LAPTM5: variants seen among roughly 807,000 people sequenced by gnomAD.
LAPTM5 encodes lysosomal-associated transmembrane protein 5.
In LAPTM5, 11 loss-of-function variants were observed where a neutral mutation model predicts 30.1. The ratio of observed to expected loss-of-function variants is 0.37; its 90% CI spans 0.23 to 0.60. The LOEUF (loss-of-function observed/expected upper bound fraction) is 0.60, where lower values mean the gene tolerates loss of function less well. Ranked by LOEUF, LAPTM5 falls within the 20% of genes least tolerant of loss-of-function variation. LAPTM5 has a pLI of 0.71. For synonymous variants in LAPTM5, 151 were observed against 137.9 expected, an observed-to-expected ratio of 1.10 and a Z score of -0.67; for missense variants, 324 against 332.5, an observed-to-expected ratio of 0.97 and a Z score of 0.20.
chr1:30,740,367 T>A (rs947206998), intron 3 of LAPTM5, among the ~76,000 whole-genome samples: 28 of 151,572 alleles, frequency 1.8e-4, no homozygotes, highest in Admixed American at 8.5e-4. Context: ...AAGACCAACA[T>A]GAGTGAAGGC....
At chr1:30,741,518 G>C (rs1271920871) in intron 3 of LAPTM5, 122 bp downstream of exon 3, 1 of 532,264 alleles carries the variant, frequency 1.9e-6, no homozygotes, top group African/African-American at 2.0e-5. Context: ...AAGATCTCCA[G>C]AACGCAGGTG....
At chr1:30,752,367 G>T (rs1382389884) in intron 1 of LAPTM5, among the ~76,000 whole-genome samples, 1 of 152,156 alleles carries the variant, frequency 6.6e-6, no homozygotes, top group Non-Finnish European at 1.5e-5. Context: ...AAGGACTCGG[G>T]CAGGTCCCAC....
rs1157323053 is a variant in LAPTM5, at chr1:30,746,029, G to C, written c.88-3480C>G. On this transcript the variant is annotated intron_variant, in intron 1 of 7. Coordinates refer to ENST00000294507, the MANE Select transcript of LAPTM5 (RefSeq NM_006762.3). The surrounding 1 kb of genome is among the most constrained non-coding windows in gnomAD (Gnocchi z 4.0). ...CCCCTGAGGCTCCAGGATCTCTCTA[G>C]CCATCTGCCCACCCTTCCCTGGCAA... 1 of 152,216 alleles carries C rather than the reference G, an allele frequency of 6.6e-6. No individual in the cohort carries two copies. The highest frequency in any genetic ancestry group is 1.5e-5 in the Non-Finnish European group (1 of 68,102). 9.4% of individuals were successfully genotyped at this position (152,216 alleles called of 1,614,324 possible). A position where few individuals can be genotyped will look rare whatever the true frequency, so the allele number is the denominator to read the frequency against.
In LAPTM5 at chr1:30,737,742, G is replaced by A. The variant is rs777988961; in HGVS notation, c.511-43C>T. The A allele has an allele frequency of 2.2e-6, 3 of 1,338,536 alleles. No individual in the cohort carries two copies. The Admixed American group carries it at 5.1e-5, about 23-fold the overall frequency. The allele number at this position is 1,338,536 out of a possible 1,614,324, so 82.9% of individuals were successfully genotyped here. A position where few individuals can be genotyped will look rare whatever the true frequency, so the allele number is the denominator to read the frequency against. On this transcript the variant is annotated intron_variant, in intron 5 of 7. Coordinates refer to ENST00000294507, the MANE Select transcript of LAPTM5 (RefSeq NM_006762.3). The stretch of plus-strand genomic sequence containing the variant: ...GCCACATCAATGTCTCTGGACATAA[G>A]GAATTCCAACAGCACCCACACATCC...
At chr1:30,748,680 T>G (rs1640084274) in intron 1 of LAPTM5, among the ~76,000 whole-genome samples, 1 of 152,184 alleles carries the variant, frequency 6.6e-6, no homozygotes. Context: ...CCCCCATTCC[T>G]GGGGCCACGC....
At chr1:30,755,175 G>A (rs750488840) in intron 1 of LAPTM5, among the ~76,000 whole-genome samples, 3 of 151,986 alleles carry the variant, frequency 2.0e-5, no homozygotes, top group Non-Finnish European at 4.4e-5. Flanking sequence ...ATCACTCATA[G>A]GCATTGGTTC....
intron 1 of LAPTM5, among the ~76,000 whole-genome samples, chr1:30,752,297 A>C (rs1020599670): frequency 4.6e-5 from 7 of 152,222 alleles, no homozygotes; most frequent in African/African-American, 1.4e-4. Context: ...TCCCATCTGC[A>C]AAATGAGCTG....
At chr1:30,748,388 C>T (rs575225247) in intron 1 of LAPTM5, among the ~76,000 whole-genome samples, 3 of 152,136 alleles carry the variant, frequency 2.0e-5, no homozygotes, top group Admixed American at 2.0e-4. Flanking sequence ...GCTGCTCCAC[C>T]CTGACCCTGT....
At chr1:30,737,106 G>T (rs1029576802) in intron 6 of LAPTM5, among the ~76,000 whole-genome samples, 1 of 152,106 alleles carries the variant, frequency 6.6e-6, no homozygotes, top group Non-Finnish European at 1.5e-5. Flanking sequence ...CCTGAAGCTG[G>T]ACCCTATCCT....
At position 30,732,583 on chromosome 1, in the gene LAPTM5, T is replaced by G. The variant is rs1029654181; in HGVS notation, c.*1245A>C. On this transcript the variant is annotated 3_prime_UTR_variant, in exon 8 of 8. Transcript: ENST00000294507. Reference sequence around the variant, plus strand: ...CTTCTCCCTCTGTACCCCCCGACAGTCCCCAGAGACCCTGCCTCCGTGGCC... The same window carrying G: ...CTTCTCCCTCTGTACCCCCCGACAGGCCCCAGAGACCCTGCCTCCGTGGCC... 3 of 151,786 alleles carry G rather than the reference T, an allele frequency of 2.0e-5. No individual in the cohort carries two copies. The highest frequency in any genetic ancestry group is 7.3e-5 in the African/African-American group (3 of 41,228). The allele number at this position is 151,786 out of a possible 1,614,324, so 9.4% of individuals were successfully genotyped here. A position where few individuals can be genotyped will look rare whatever the true frequency, so the allele number is the denominator to read the frequency against.
At chr1:30,741,896 C>A in intron 2 of LAPTM5, 180 bp from the exon 3 acceptor site, 1 of 500,894 alleles carries the variant, frequency 2.0e-6, no homozygotes. Flanking sequence ...CAGAACATCA[C>A]ACATAGCACA....
At chr1:30,740,430 C>G (rs1306239558) in intron 3 of LAPTM5, among the ~76,000 whole-genome samples, 1 of 149,868 alleles carries the variant, frequency 6.7e-6, no homozygotes, top group Non-Finnish European at 1.5e-5. Flanking sequence ...CACCACGCCC[C>G]GCATACAATT....
At chr1:30,743,817 T>TA (rs1640006933) in intron 1 of LAPTM5, among the ~76,000 whole-genome samples, 2 of 149,558 alleles carry the variant, frequency 1.3e-5, no homozygotes, top group Non-Finnish European at 3.0e-5. Flanking sequence ...TTTTTTTTTT[T>TA]AGCTCAGACA....
At position 30,737,645 on chromosome 1, in the gene LAPTM5, T is replaced by C; in HGVS notation, c.565A>G (p.Ile189Val). The C allele has an allele frequency of 9.3e-6, 15 of 1,613,810 alleles. No individual in the cohort carries two copies. Among genetic ancestry groups the C allele is most frequent in the South Asian group, 2.2e-5 (2 of 91,008 alleles). The change falls in exon 6 of 8, where the codon ATC (isoleucine) becomes GTC (valine). Residue 189 changes from isoleucine to valine, a missense_variant. Physicochemically the swap from Ile to Val is conservative, Grantham distance 29 (BLOSUM62 3). Coordinates refer to ENST00000294507, the MANE Select transcript of LAPTM5 (RefSeq NM_006762.3). ...MPHNQFIKMM[I>V]IFSIAFITVL... ...GTGATGAAGGCGATGGAAAAGATGA[T>C]CATCATCTTGATGAACTGGTTATGA...
Position 30,733,342 on chromosome 1 carries a change from A to G in LAPTM5, c.*486T>C, listed in dbSNP as rs1189166737. On this transcript the variant is annotated 3_prime_UTR_variant, in exon 8 of 8. Transcript: ENST00000294507. The stretch of plus-strand genomic sequence containing the variant: ...AGCTATTTGAAGAAATTGATTACAT[A>G]TATTTATATATAGGGGGTAACTAAT... 1.1e-5 allele frequency: 3 copies of G among 285,220 alleles called. No individual in the cohort carries two copies. Among genetic ancestry groups the G allele is most frequent in the Non-Finnish European group, 2.0e-5 (3 of 150,784 alleles). The allele number at this position is 285,220 out of a possible 1,614,324, so 17.7% of individuals were successfully genotyped here.
intron 6 of LAPTM5, among the ~76,000 whole-genome samples, chr1:30,736,062 TG>T (rs983230860): frequency 2.0e-5 from 3 of 151,682 alleles, no homozygotes; most frequent in African/African-American, 4.8e-5. Context: ...GAAGGGGAGC[TG>T]GGGGACGGAG....
Position 30,739,978 on chromosome 1 carries a change from C to A in LAPTM5, c.259-41G>T. 5.9e-6 allele frequency: 9 copies of A among 1,515,194 alleles called. No homozygotes were observed. The highest frequency in any genetic ancestry group is 7.1e-6 in the Non-Finnish European group (8 of 1,124,654). 93.9% of individuals were successfully genotyped at this position (1,515,194 alleles called of 1,614,324 possible). A position where few individuals can be genotyped will look rare whatever the true frequency, so the allele number is the denominator to read the frequency against. Reference sequence around the variant, plus strand: ...AGCACCGTCAAGTGTCCCCTGCATGCAGCCAACACTCCGCCACCCAGCCTG... The same window carrying A: ...AGCACCGTCAAGTGTCCCCTGCATGAAGCCAACACTCCGCCACCCAGCCTG... On this transcript the variant is annotated intron_variant, in intron 3 of 7. Transcript: ENST00000294507. The surrounding 1 kb of genome is among the most constrained non-coding windows in gnomAD (Gnocchi z 4.2).
chr1:30,756,217 G>T (rs896765020), intron 1 of LAPTM5, among the ~76,000 whole-genome samples: 3 of 152,142 alleles, frequency 2.0e-5, no homozygotes, highest in Non-Finnish European at 1.5e-5. Context: ...TAAAATACAG[G>T]GTACAGGGAC....
In LAPTM5 at chr1:30,739,765, C is replaced by T. The variant is rs768047470; in HGVS notation, c.387+44G>A. The T allele has an allele frequency of 1.3e-6, 2 of 1,547,672 alleles. No individual in the cohort carries two copies. Among genetic ancestry groups the T allele is most frequent in the Non-Finnish European group, 1.7e-6 (2 of 1,144,184 alleles). ...GTCCCCTCCCATCTCCCATGCCAGA[C>T]CTGGGCTCTGCTGTCCGGTGAGAGG... On this transcript the variant is annotated intron_variant, in intron 4 of 7. Transcript: ENST00000294507. The surrounding 1 kb of genome is among the most constrained non-coding windows in gnomAD (Gnocchi z 4.2).
Sources: gnomAD v4.1 joint callset for allele counts (sites outside exome capture counted in the v4.1 genomes callset) on GRCh38, gnomAD v4.1.1 for gene constraint, Gnocchi (gnomAD v3.1) non-coding constraint, MANE v1.5 for transcripts, NCBI Gene and HGNC (gene_info 2026-07-23, HGNC 2026-07-21) for gene names.